The following ADAMTS14 variants were observed in gnomAD, a reference collection of about 807,000 sequenced individuals.
The protein encoded by ADAMTS14 is A disintegrin and metalloproteinase with thrombospondin motifs 14.
A neutral mutation model predicts 128.6 loss-of-function variants in ADAMTS14; 100 were observed. That is an observed-to-expected ratio of 0.78 (90% CI 0.66 to 0.92). The LOEUF (loss-of-function observed/expected upper bound fraction) is 0.92, where lower values mean the gene tolerates loss of function less well. Among genes scored for constraint, ADAMTS14 ranks in the 40% least tolerant of loss-of-function variants. ADAMTS14 has a pLI of 0.00. For synonymous variants in ADAMTS14, 665 were observed against 653.8 expected (o/e 1.02, Z -0.26); for missense variants, 1,562 against 1,658.6 (o/e 0.94, Z 1.01).
At position 70,743,672 on chromosome 10, in the gene ADAMTS14, C is replaced by A; in HGVS notation, c.2049C>A (p.Gly683=). 1 of 1,594,704 alleles carries A rather than the reference C, an allele frequency of 6.3e-7. No homozygotes were observed. Residue 683 remains glycine, a synonymous_variant, in exon 13 of 22, where the codon GGC becomes GGA. Coordinates refer to ENST00000373207, the MANE Select transcript of ADAMTS14 (RefSeq NM_080722.4). Reference sequence around the variant, plus strand: ...ACCCATACAGCGTCTGTGCGCGTGGCGAGTGTGTGGTGGGTGCACCCCCAG... The same window carrying A: ...ACCCATACAGCGTCTGTGCGCGTGGAGAGTGTGTGGTGGGTGCACCCCCAG... ...YRDPYSVCAR[G]ECVPVGCDKE...
At chr10:70,707,663 A>G (rs907301428) in intron 3 of ADAMTS14, among the ~76,000 whole-genome samples, 13 of 152,268 alleles carry the variant, frequency 8.5e-5, no homozygotes, top group African/African-American at 3.1e-4. Flanking sequence ...ACAGACCCAC[A>G]TGAGAAGCTA....
At chr10:70,740,054 C>A (rs12255716) in intron 11 of ADAMTS14, among the ~76,000 whole-genome samples, 5,766 of 152,232 alleles carry the variant, frequency 0.038, 378 homozygotes, top group African/African-American at 0.13. Flanking sequence ...ATCAAAGCTA[C>A]CATTTATTGA....
At chr10:70,675,919 C>G (rs965310026) in intron 2 of ADAMTS14, among the ~76,000 whole-genome samples, 1 of 152,120 alleles carries the variant, frequency 6.6e-6, no homozygotes, top group Non-Finnish European at 1.5e-5. Context: ...GCTTTGAGAG[C>G]GAGAAAATTT....
At chr10:70,712,744 C>T (rs1029656113) in intron 4 of ADAMTS14, among the ~76,000 whole-genome samples, 3 of 152,182 alleles carry the variant, frequency 2.0e-5, no homozygotes, top group Non-Finnish European at 4.4e-5. Flanking sequence ...GGGAAAGACA[C>T]GCGGTGGCAG....
intron 15 of ADAMTS14, chr10:70,745,520 TAGTAAAG>T (rs1351074720): frequency 1.7e-6 from 1 of 599,604 alleles, no homozygotes; most frequent in Non-Finnish European, 3.0e-6. Context: ...AAAGGGGACC[TAGTAAAG>T]AGTCCCCTTT....
At chr10:70,693,116 T>G (rs768488380) in intron 2 of ADAMTS14, among the ~76,000 whole-genome samples, 2 of 152,090 alleles carry the variant, frequency 1.3e-5, no homozygotes, top group Non-Finnish European at 2.9e-5. Flanking sequence ...CCACACACTT[T>G]AAGCAACTAG....
rs1254409050 is a variant in ADAMTS14 at position 70,672,558 on chromosome 10, C to G, written c.-245C>G. 1.3e-5 allele frequency among the ~76,000 whole-genome samples: 2 copies of G among 151,414 alleles called. No individual in the cohort carries two copies. Among genetic ancestry groups the G allele is most frequent in the African/African-American group, 4.8e-5 (2 of 41,464 alleles). On this transcript the variant is annotated 5_prime_UTR_variant, in exon 1 of 22. Transcript: ENST00000373207. The stretch of plus-strand genomic sequence containing the variant: ...CGGCAGTTGGCACCGGGTGCGCTGG[C>G]GCGTCAGTGGCCCCGCTCTCCAGCC...
At position 70,749,923 on chromosome 10, in the gene ADAMTS14, G is replaced by A. The variant is rs1180809194; in HGVS notation, c.2365G>A (p.Val789Met). Residue 789 changes from valine to methionine, a missense_variant, in exon 16 of 22, where the codon GTG (valine) becomes ATG (methionine). Physicochemically the swap from Val to Met is conservative, Grantham distance 21. Coordinates refer to ENST00000373207, the MANE Select transcript of ADAMTS14 (RefSeq NM_080722.4). ...TAMGLEWEDA[V>M]EDAKESLKTS... is the part of the protein sequence containing the mutation. The stretch of plus-strand genomic sequence containing the variant: ...CATGGGCCTGGAGTGGGAGGATGCG[G>A]TGGAGGATGCCAAGGAAAGCCTCAA... The A allele has an allele frequency of 2.5e-6, 4 of 1,614,204 alleles. No individual in the cohort carries two copies. The highest frequency in any genetic ancestry group is 3.4e-6 in the Non-Finnish European group (4 of 1,180,038).
intron 3 of ADAMTS14, among the ~76,000 whole-genome samples, chr10:70,703,897 G>C (rs1840571042): frequency 6.6e-6 from 1 of 152,262 alleles, no homozygotes; most frequent in African/African-American, 2.4e-5. Flanking sequence ...GCCTTCCTTA[G>C]AAAGACCAGG....
chr10:70,700,873 G>A (rs924314112), intron 2 of ADAMTS14, among the ~76,000 whole-genome samples: 1 of 152,228 alleles, frequency 6.6e-6, no homozygotes, highest in African/African-American at 2.4e-5. Context: ...CTGCATGGAT[G>A]CATGGATGCT....
At chr10:70,731,969 T>C (rs1404422919) in intron 6 of ADAMTS14, among the ~76,000 whole-genome samples, 3 of 152,040 alleles carry the variant, frequency 2.0e-5, no homozygotes, top group African/African-American at 7.3e-5. Flanking sequence ...GGAGGCATTG[T>C]GGAAGTAGTG....
intron 9 of ADAMTS14, among the ~76,000 whole-genome samples, chr10:70,736,397 A>G (rs1841827143): frequency 6.6e-6 from 1 of 152,256 alleles, no homozygotes; most frequent in Admixed American, 6.5e-5. Context: ...GCTCAGTGAC[A>G]AATGGCCTCT....
intron 2 of ADAMTS14, among the ~76,000 whole-genome samples, chr10:70,696,651 G>A (rs568288285): frequency 1.1e-4 from 16 of 152,312 alleles, no homozygotes; most frequent in African/African-American, 3.6e-4. Flanking sequence ...CCAGGGTGGT[G>A]AGAAGGGAAG....
intron 2 of ADAMTS14, among the ~76,000 whole-genome samples, chr10:70,695,150 ATCTT>A (rs1396189688): frequency 6.6e-6 from 1 of 152,146 alleles, no homozygotes; most frequent in Non-Finnish European, 1.5e-5. Context: ...CTATTTGTAG[ATCTT>A]TCTTGGAGAA....
At chr10:70,717,948 T>G (rs1353089006) in intron 4 of ADAMTS14, among the ~76,000 whole-genome samples, 3 of 152,154 alleles carry the variant, frequency 2.0e-5, no homozygotes, top group Non-Finnish European at 4.4e-5. Flanking sequence ...CAGAGCCCCT[T>G]TCTGAGCCTG....
chr10:70,739,845 T>C (rs1452469775), intron 11 of ADAMTS14, among the ~76,000 whole-genome samples: 1 of 152,232 alleles, frequency 6.6e-6, no homozygotes. Context: ...CAGCTGTTCC[T>C]TTGTTTTAGA....
chr10:70,744,612 CTT>C (rs1471799124), intron 14 of ADAMTS14, among the ~76,000 whole-genome samples: 1 of 152,116 alleles, frequency 6.6e-6, no homozygotes, highest in Non-Finnish European at 1.5e-5. Context: ...TTCCTGGTAT[CTT>C]TGAGTTCCTT....
intron 4 of ADAMTS14, among the ~76,000 whole-genome samples, chr10:70,712,064 G>A (rs1476111496): frequency 2.0e-5 from 3 of 152,118 alleles, no homozygotes; most frequent in African/African-American, 4.8e-5. Flanking sequence ...AGAGAGGGAG[G>A]GGAGGGAGAG....
chr10:70,678,202 C>T (rs1420523), intron 2 of ADAMTS14, among the ~76,000 whole-genome samples: 69,898 of 152,058 alleles, frequency 0.46, 16,497 homozygotes, highest in East Asian at 0.67. Flanking sequence ...TAGTACAGGA[C>T]TTTATAGTTT....
Sources: allele counts gnomAD v4.1 joint callset (sites outside exome capture counted in the v4.1 genomes callset), GRCh38; gene constraint gnomAD v4.1.1; transcripts MANE v1.5; gene names NCBI Gene and HGNC (gene_info 2026-07-23, HGNC 2026-07-21).